The following DLGAP3 variants were observed in gnomAD, a reference collection of about 807,000 sequenced individuals.
DLGAP3 encodes DLG associated protein 3.
In DLGAP3, 17 loss-of-function variants were observed where a neutral mutation model predicts 81.2. That is an observed-to-expected ratio of 0.21 (90% CI 0.14 to 0.31). The LOEUF is 0.31. DLGAP3 is among the 10% of genes least tolerant of loss of function. The probability of loss-of-function intolerance (pLI) is 1.00; values close to 1 mark genes in which losing one functional copy is unlikely to be tolerated. For synonymous variants in DLGAP3, 577 were observed against 587.4 expected (o/e 0.98, Z 0.26); for missense variants, 1,124 against 1,388.0 (o/e 0.81, Z 3.02).
At chr1:34,913,836 C>A (rs1001126416) in intron 1 of DLGAP3, among the ~76,000 whole-genome samples, 5 of 152,194 alleles carry the variant, frequency 3.3e-5, no homozygotes, top group African/African-American at 1.2e-4. Context: ...CCTGGAGAAT[C>A]TGGTATTAGA....
intron 5 of DLGAP3, among the ~76,000 whole-genome samples, chr1:34,897,561 G>A (rs966143255): frequency 3.3e-5 from 5 of 152,128 alleles, no homozygotes; most frequent in South Asian, 4.1e-4. Context: ...CCACTCCAGC[G>A]AGGTCACCAG....
chr1:34,866,255 C>T lies in DLGAP3; in HGVS notation c.2768G>A (p.Gly923Asp), dbSNP rs1181360313. 3.2e-6 allele frequency: 5 copies of T among 1,560,714 alleles called. No individual in the cohort carries two copies. The highest frequency in any genetic ancestry group is 4.3e-6 in the Non-Finnish European group (5 of 1,155,604). The change falls in exon 12 of 12, where the codon GGC (glycine) becomes GAC (aspartate). Residue 923 changes from glycine to aspartate, a missense_variant. Physicochemically the swap from Gly to Asp is moderately conservative, Grantham distance 94 (BLOSUM62 -1). This residue lies in a region of DLGAP3 where 133 missense variants were observed against 171.1 expected (regional missense o/e 0.78). Transcript: ENST00000373347. ...PPPIPKKPLR[G>D]RGVPVKERSL... ...GCGCTCCTTCACCGGCACGCCCCGG[C>T]CCCGCAGGGGCTTCTTTGGTATCGG...
At chr1:34,874,707 T>C (rs963170318) in intron 8 of DLGAP3, among the ~76,000 whole-genome samples, 2 of 151,882 alleles carry the variant, frequency 1.3e-5, no homozygotes, top group African/African-American at 4.8e-5. Flanking sequence ...GGGGATAACA[T>C]AAAAGCCTCT....
intron 5 of DLGAP3, among the ~76,000 whole-genome samples, chr1:34,887,118 C>G (rs1281150245): frequency 6.6e-6 from 1 of 151,890 alleles, no homozygotes; most frequent in Non-Finnish European, 1.5e-5. Context: ...CGACGCCCGG[C>G]TAATTTTTTT....
chr1:34,883,013 C>G (rs542622351), intron 8 of DLGAP3, among the ~76,000 whole-genome samples: 2 of 152,368 alleles, frequency 1.3e-5, no homozygotes, highest in East Asian at 3.9e-4. Context: ...CCTCAAGTCT[C>G]AGCTTAAATG....
In DLGAP3 at chr1:34,895,851, G is replaced by T. The variant is rs1376832447; in HGVS notation, c.1386+3818C>A. On this transcript the variant is annotated intron_variant, in intron 5 of 11. Transcript: ENST00000373347. The surrounding 1 kb of genome is among the most constrained non-coding windows in gnomAD (Gnocchi z 4.5). ...GGACATAAAAGCCTTTTCAACAAAT[G>T]ATGCTGGGAAAATTGGATATCCGCA... Among the ~76,000 whole-genome samples the T allele has an allele frequency of 6.6e-6, 1 of 151,796 alleles. No individual in the cohort carries two copies. The highest frequency in any genetic ancestry group is 1.9e-4 in the East Asian group (1 of 5,184).
intron 1 of DLGAP3, among the ~76,000 whole-genome samples, chr1:34,911,931 G>A (rs1639645835): frequency 6.6e-6 from 1 of 152,160 alleles, no homozygotes; most frequent in South Asian, 2.1e-4. Context: ...TTGAGACCTA[G>A]GCAAGTCACA....
intron 8 of DLGAP3, among the ~76,000 whole-genome samples, chr1:34,881,882 G>A (rs1364141476): frequency 6.6e-6 from 1 of 152,142 alleles, no homozygotes; most frequent in Non-Finnish European, 1.5e-5. Flanking sequence ...ACTAGGAATA[G>A]AAAGGAATTT....
At chr1:34,869,553 G>C (rs57823820) in intron 8 of DLGAP3, among the ~76,000 whole-genome samples, 1 of 145,322 alleles carries the variant, frequency 6.9e-6, no homozygotes, top group Non-Finnish European at 1.5e-5. Flanking sequence ...GCAATGGCGC[G>C]ATCTCGGCTC....
chr1:34,917,235 C>T (rs1322326773), intron 1 of DLGAP3, among the ~76,000 whole-genome samples: 2 of 152,168 alleles, frequency 1.3e-5, no homozygotes, highest in African/African-American at 4.8e-5. Context: ...TACGCAGCAC[C>T]TGACCTCATC....
Position 34,867,477 on chromosome 1 carries a change from AG to A in DLGAP3, c.2577+58del. 6.8e-7 allele frequency: 1 copy of A among 1,464,888 alleles called. No homozygotes were observed. Among genetic ancestry groups the A allele is most frequent in the Non-Finnish European group, 9.6e-7 (1 of 1,043,750 alleles). 90.7% of individuals were successfully genotyped at this position (1,464,888 alleles called of 1,614,324 possible). On this transcript the variant is annotated intron_variant, in intron 10 of 11. Coordinates refer to ENST00000373347, the MANE Select transcript of DLGAP3 (RefSeq NM_001080418.3). This position sits in a 1 kb window ranked among gnomAD's most constrained non-coding sequence, Gnocchi z 4.3. ...TGGGTCACCTGCCTGTCTCACCTCC[AG>A]CACACACACACTCTGGGTCACATGT...
intron 5 of DLGAP3, among the ~76,000 whole-genome samples, chr1:34,891,654 C>A (rs550065081): frequency 2.3e-4 from 35 of 152,256 alleles, no homozygotes; most frequent in African/African-American, 7.9e-4. Context: ...TGAAAACAAC[C>A]TGAACTTTGC....
chr1:34,920,082 TGG>T (rs1264844140), intron 1 of DLGAP3, among the ~76,000 whole-genome samples: 3 of 152,190 alleles, frequency 2.0e-5, no homozygotes, highest in Non-Finnish European at 4.4e-5. Context: ...TCAGGAAGTC[TGG>T]GCCATGCCTG....
intron 8 of DLGAP3, among the ~76,000 whole-genome samples, chr1:34,880,919 T>A (rs964571391): frequency 6.6e-6 from 1 of 152,044 alleles, no homozygotes; most frequent in Non-Finnish European, 1.5e-5. Context: ...GTTTTAAAAG[T>A]CTCTCCTATC....
At chr1:34,907,127 A>G (rs770136845) in intron 2 of DLGAP3, among the ~76,000 whole-genome samples, 1 of 152,042 alleles carries the variant, frequency 6.6e-6, no homozygotes, top group Non-Finnish European at 1.5e-5. Flanking sequence ...ACTATTTCCC[A>G]AGTACTCGCC....
At chr1:34,924,235 C>G (rs750846903) in intron 1 of DLGAP3, among the ~76,000 whole-genome samples, 2 of 151,988 alleles carry the variant, frequency 1.3e-5, no homozygotes, top group Non-Finnish European at 2.9e-5. Context: ...GAAACCCAGA[C>G]CTCATCCCTC....
At chr1:34,871,275 C>T (rs1638975874) in intron 8 of DLGAP3, among the ~76,000 whole-genome samples, 1 of 152,180 alleles carries the variant, frequency 6.6e-6, no homozygotes, top group African/African-American at 2.4e-5. Flanking sequence ...TCTCCTTGTT[C>T]CTTGAATCGA....
Position 34,873,813 on chromosome 1 carries a change from CTGGTTGGT to C in DLGAP3, c.2001-4732_2001-4725del, listed in dbSNP as rs149504598. Among the ~76,000 whole-genome samples, 97 of 151,114 alleles carry C rather than the reference CTGGTTGGT, an allele frequency of 6.4e-4. No homozygotes were observed. The highest frequency in any genetic ancestry group is 3.4e-3 in the Middle Eastern group (1 of 292). On this transcript the variant is annotated intron_variant, in intron 8 of 11. Coordinates refer to ENST00000373347, the MANE Select transcript of DLGAP3 (RefSeq NM_001080418.3). The surrounding 1 kb of genome is among the most constrained non-coding windows in gnomAD (Gnocchi z 4.2). ...TCACTAAATAGGGCAGTTCATCACA[CTGGTTGGT>C]TGGTTGGTTGGTTGGTTGGTTGGTT...
intron 2 of DLGAP3, among the ~76,000 whole-genome samples, chr1:34,906,887 G>C (rs1450876970): frequency 6.6e-6 from 1 of 152,206 alleles, no homozygotes; most frequent in Admixed American, 6.5e-5. Context: ...GAGCTGCCAG[G>C]ATAGGAGCTA....
Sources: allele counts gnomAD v4.1 joint callset (sites outside exome capture counted in the v4.1 genomes callset), GRCh38; gene constraint gnomAD v4.1.1; regional missense constraint gnomAD v4.1.1; non-coding constraint Gnocchi (gnomAD v3.1); transcripts MANE v1.5; gene names NCBI Gene and HGNC (gene_info 2026-07-23, HGNC 2026-07-21).